Variants in TNRC6A observed in about 807,000 individuals in gnomAD.
The protein encoded by TNRC6A is trinucleotide repeat-containing gene 6A protein.
TNRC6A carries 44 observed loss-of-function variants against 221.2 expected under a neutral mutation model. The ratio of observed to expected loss-of-function variants is 0.20; its 90% CI spans 0.16 to 0.26. The LOEUF (loss-of-function observed/expected upper bound fraction) is 0.26, where lower values mean the gene tolerates loss of function less well. TNRC6A is among the 10% of genes least tolerant of loss of function. The pLI is 1.00. For synonymous variants in TNRC6A, 847 were observed against 838.5 expected (o/e 1.01, Z -0.18); for missense variants, 2,199 against 2,404.4 (o/e 0.91, Z 1.79).
intron 18 of TNRC6A, among the ~76,000 whole-genome samples, chr16:24,810,785 G>A (rs1367138967): frequency 2.0e-5 from 3 of 152,202 alleles, no homozygotes; most frequent in African/African-American, 7.2e-5. Context: ...AAAATGATGG[G>A]TGCCTAGAGG....
chr16:24,748,277 T>C (rs1397580656), intron 2 of TNRC6A, among the ~76,000 whole-genome samples: 1 of 152,256 alleles, frequency 6.6e-6, no homozygotes, highest in Non-Finnish European at 1.5e-5. Flanking sequence ...GACTTCTGCA[T>C]GTCTCAGGGT....
intron 1 of TNRC6A, among the ~76,000 whole-genome samples, chr16:24,610,870 G>C (rs1035394462): frequency 6.6e-6 from 1 of 152,004 alleles, no homozygotes; most frequent in African/African-American, 2.4e-5. Flanking sequence ...GAGTGCAGTG[G>C]CGCAATCTCG....
At chr16:24,746,588 G>A (rs975665515) in intron 2 of TNRC6A, among the ~76,000 whole-genome samples, 3 of 152,040 alleles carry the variant, frequency 2.0e-5, no homozygotes, top group Admixed American at 6.5e-5. Context: ...TTTATGCTGC[G>A]GTGTCTATCT....
intron 23 of TNRC6A, among the ~76,000 whole-genome samples, chr16:24,822,403 G>T (rs2058783731): frequency 6.6e-6 from 1 of 152,194 alleles, no homozygotes; most frequent in African/African-American, 2.4e-5. Flanking sequence ...TGGGCTAGGG[G>T]CTGGGACTCT....
At chr16:24,715,247 T>A (rs1386762867) in intron 2 of TNRC6A, among the ~76,000 whole-genome samples, 1 of 152,126 alleles carries the variant, frequency 6.6e-6, no homozygotes, top group African/African-American at 2.4e-5. Flanking sequence ...TTTTATTTTT[T>A]AATTTTTTGT....
intron 2 of TNRC6A, among the ~76,000 whole-genome samples, chr16:24,695,197 G>A (rs2055833387): frequency 6.6e-6 from 1 of 152,044 alleles, no homozygotes; most frequent in African/African-American, 2.4e-5. Flanking sequence ...ACGAAACTCT[G>A]GGGAGTGAGG....
At chr16:24,700,376 C>T (rs1247286876) in intron 2 of TNRC6A, among the ~76,000 whole-genome samples, 3 of 152,076 alleles carry the variant, frequency 2.0e-5, no homozygotes, top group African/African-American at 7.2e-5. Flanking sequence ...GCTGGGACTA[C>T]AGACGCATGC....
intron 4 of TNRC6A, among the ~76,000 whole-genome samples, chr16:24,763,406 G>C (rs1379734701): frequency 6.6e-6 from 1 of 152,144 alleles, no homozygotes; most frequent in Admixed American, 6.6e-5. Context: ...ACACAGTTTA[G>C]CCTCTAGAAT....
intron 11 of TNRC6A, among the ~76,000 whole-genome samples, chr16:24,802,047 A>G (rs991188601): frequency 1.3e-5 from 2 of 152,228 alleles, no homozygotes; most frequent in Non-Finnish European, 2.9e-5. Context: ...GATTTTTTAA[A>G]TACCAGATTC....
intron 4 of TNRC6A, among the ~76,000 whole-genome samples, chr16:24,771,029 G>T (rs897354316): frequency 6.6e-6 from 1 of 152,184 alleles, no homozygotes; most frequent in Non-Finnish European, 1.5e-5. Context: ...TTGGATGCAG[G>T]CGCATATGTG....
chr16:24,744,187 G>A (rs1280995787), intron 2 of TNRC6A, among the ~76,000 whole-genome samples: 2 of 152,180 alleles, frequency 1.3e-5, no homozygotes, highest in Non-Finnish European at 2.9e-5. Context: ...CAGAATTGAT[G>A]TGGTGTTCTC....
At chr16:24,775,426 A>T (rs2057698992) in intron 4 of TNRC6A, among the ~76,000 whole-genome samples, 1 of 152,234 alleles carries the variant, frequency 6.6e-6, no homozygotes, top group Non-Finnish European at 1.5e-5. Context: ...CATATATTAT[A>T]TTAAAAAAGT....
At chr16:24,640,584 C>G (rs773646398) in intron 1 of TNRC6A, among the ~76,000 whole-genome samples, 2 of 151,492 alleles carry the variant, frequency 1.3e-5, no homozygotes, top group Non-Finnish European at 2.9e-5. Context: ...AAAAAATTAT[C>G]TGGGCATGGT....
At chr16:24,691,921 T>G (rs2055763539) in intron 2 of TNRC6A, among the ~76,000 whole-genome samples, 1 of 152,160 alleles carries the variant, frequency 6.6e-6, no homozygotes, top group South Asian at 2.1e-4. Flanking sequence ...CACCCTTAAC[T>G]GCTAGGTTTT....
intron 1 of TNRC6A, among the ~76,000 whole-genome samples, chr16:24,631,694 C>A (rs1450496128): frequency 6.6e-6 from 1 of 151,812 alleles, no homozygotes; most frequent in Admixed American, 6.6e-5. Context: ...ATCACTTGAA[C>A]CCAGGAGGTG....
intron 2 of TNRC6A, among the ~76,000 whole-genome samples, chr16:24,678,707 A>G (rs1397696822): frequency 6.6e-6 from 1 of 152,218 alleles, no homozygotes; most frequent in Admixed American, 6.5e-5. Context: ...CCTGCCTCAA[A>G]AAAGATTCTC....
intron 3 of TNRC6A, among the ~76,000 whole-genome samples, chr16:24,757,919 T>TA (rs1263965159): frequency 7.2e-5 from 11 of 152,360 alleles, no homozygotes; most frequent in Non-Finnish European, 1.6e-4. Flanking sequence ...ACAGAAAACC[T>TA]AATTCGTCTT....
At chr16:24,797,782 T>G in intron 10 of TNRC6A, 133 bp from the exon 11 acceptor site, 2 of 873,400 alleles carry the variant, frequency 2.3e-6, no homozygotes, top group Non-Finnish European at 3.4e-6. Flanking sequence ...AAAATTACAT[T>G]AGGCAGTGAA....
At chr16:24,760,708 T>C (rs941764840) in intron 4 of TNRC6A, among the ~76,000 whole-genome samples, 3 of 151,776 alleles carry the variant, frequency 2.0e-5, no homozygotes, top group African/African-American at 7.3e-5. Context: ...GTGGCCTACT[T>C]GGTGGTGGTG....
Sources: gnomAD v4.1 joint callset for allele counts (sites outside exome capture counted in the v4.1 genomes callset) on GRCh38, gnomAD v4.1.1 for gene constraint, MANE v1.5 for transcripts, NCBI Gene and HGNC (gene_info 2026-07-23, HGNC 2026-07-21) for gene names.